Variants in ELMO1 observed in about 807,000 individuals in gnomAD.
The protein encoded by ELMO1 is engulfment and cell motility 1, also known as engulfment and cell motility protein 1.
ELMO1 carries 26 observed loss-of-function variants against 98.9 expected under a neutral mutation model. The ratio of observed to expected loss-of-function variants is 0.26; its 90% CI spans 0.19 to 0.36. The LOEUF is 0.36. Among genes scored for constraint, ELMO1 ranks in the 10% least tolerant of loss-of-function variants. ELMO1 has a pLI of 1.00. For missense variants in ELMO1, 627 were observed against 935.2 expected (o/e 0.67, Z 4.30); for synonymous variants, 346 against 346.0 (o/e 1.00, Z 0.00).
chr7:37,192,970 GATATATATATATATATATAT>G (rs374892700), intron 13 of ELMO1, among the ~76,000 whole-genome samples: 2 of 40,098 alleles, frequency 5.0e-5, no homozygotes, highest in Admixed American at 3.9e-4. Context: ...ATATATAGGA[GATATATATATATATATATAT>G]ATATATATAT....
At chr7:37,439,980 GGTGTGT>G (rs3054254) in intron 1 of ELMO1, among the ~76,000 whole-genome samples, 3 of 150,326 alleles carry the variant, frequency 2.0e-5, no homozygotes, top group Admixed American at 6.6e-5. Flanking sequence ...GAGCTGCATG[GGTGTGT>G]GTGTGTGTGT....
At chr7:36,931,385 A>AG (rs1786025440) in intron 16 of ELMO1, among the ~76,000 whole-genome samples, 1 of 152,198 alleles carries the variant, frequency 6.6e-6, no homozygotes, top group Non-Finnish European at 1.5e-5. Flanking sequence ...GGATCACCTG[A>AG]GGTCAAGAGT....
At chr7:37,188,498 A>AAAAAAT (rs1554438163) in intron 13 of ELMO1, among the ~76,000 whole-genome samples, 24 of 42,482 alleles carry the variant, frequency 5.6e-4, no homozygotes, top group African/African-American at 1.3e-3. Context: ...AAAAAAAAAA[A>AAAAAAT]AAAAATAATA....
intron 16 of ELMO1, among the ~76,000 whole-genome samples, chr7:37,003,474 C>A (rs1255908910): frequency 1.3e-5 from 2 of 152,224 alleles, no homozygotes; most frequent in Non-Finnish European, 2.9e-5. Context: ...TCGGACCTGT[C>A]TGACTTAATG....
intron 4 of ELMO1, among the ~76,000 whole-genome samples, chr7:37,305,100 G>A (rs1798544255): frequency 1.3e-5 from 2 of 152,122 alleles, no homozygotes; most frequent in South Asian, 4.1e-4. Flanking sequence ...CTTCTGTGAT[G>A]CTGCTCCCAC....
intron 2 of ELMO1, among the ~76,000 whole-genome samples, chr7:37,340,255 T>C (rs1800643992): frequency 6.6e-6 from 1 of 152,234 alleles, no homozygotes; most frequent in Non-Finnish European, 1.5e-5. Context: ...TGTAAGAGAA[T>C]GGCTACAATC....
rs1234673676 is a variant in ELMO1, at chr7:37,171,482, TA to T, written c.1087-38249del. Among the ~76,000 whole-genome samples, 33 of 90,958 alleles carry T rather than the reference TA, an allele frequency of 3.6e-4. 2 individuals are homozygous for T. Among genetic ancestry groups the T allele is most frequent in the African/African-American group, 8.3e-4 (18 of 21,584 alleles). The allele number at this position is 90,958 out of a possible 152,430, so 59.7% of individuals were successfully genotyped here. On this transcript the variant is annotated intron_variant, in intron 13 of 21. Coordinates refer to ENST00000310758, the MANE Select transcript of ELMO1 (RefSeq NM_014800.11). ...GTTTATTCTTGTAACCAGGCCTTTC[TA>T]TTTTTTTTTTTTTTTTTTTTTTTTT...
At chr7:36,955,365 G>A (rs1241209589) in intron 16 of ELMO1, among the ~76,000 whole-genome samples, 1 of 152,130 alleles carries the variant, frequency 6.6e-6, no homozygotes, top group Non-Finnish European at 1.5e-5. Flanking sequence ...AAAAGATACA[G>A]AATCTATTTT....
At chr7:37,009,271 A>C (rs1562893775) in intron 16 of ELMO1, among the ~76,000 whole-genome samples, 1 of 152,184 alleles carries the variant, frequency 6.6e-6, no homozygotes, top group Non-Finnish European at 1.5e-5. Flanking sequence ...CATGCTCTAA[A>C]ATATTGGTAA....
chr7:36,941,592 CCT>C (rs1464967014), intron 16 of ELMO1, among the ~76,000 whole-genome samples: 2 of 152,178 alleles, frequency 1.3e-5, no homozygotes, highest in African/African-American at 4.8e-5. Context: ...TAGCATAACA[CCT>C]ATGAATTTCT....
intron 1 of ELMO1, among the ~76,000 whole-genome samples, chr7:37,409,879 T>C (rs1803923795): frequency 6.6e-6 from 1 of 152,200 alleles, no homozygotes; most frequent in African/African-American, 2.4e-5. Flanking sequence ...TGTAAGATCA[T>C]GTATGATAAA....
chr7:37,210,456 C>A (rs966853682), intron 13 of ELMO1, among the ~76,000 whole-genome samples: 48 of 151,162 alleles, frequency 3.2e-4, no homozygotes, highest in African/African-American at 1.2e-3. Context: ...ATTTGTCAAA[C>A]TATGTATAAA....
chr7:37,292,159 G>C (rs141379835), intron 4 of ELMO1, among the ~76,000 whole-genome samples: 68,189 of 104,902 alleles, frequency 0.65, 24,490 homozygotes, highest in Admixed American at 0.78. Context: ...TGTGTTGGCC[G>C]GGCTGGTCTC....
At chr7:37,124,915 A>G (rs1054880584) in intron 14 of ELMO1, among the ~76,000 whole-genome samples, 1 of 152,246 alleles carries the variant, frequency 6.6e-6, no homozygotes, top group African/African-American at 2.4e-5. Flanking sequence ...CCAAAACAGC[A>G]TGGTACTGGT....
chr7:37,435,821 C>T (rs1732001), intron 1 of ELMO1, among the ~76,000 whole-genome samples: 57,574 of 152,096 alleles, frequency 0.38, 11,078 homozygotes, highest in Admixed American at 0.45. Context: ...ACGCTCTTCT[C>T]TCTACCATCC....
intron 1 of ELMO1, among the ~76,000 whole-genome samples, chr7:37,406,606 ATTT>A (rs914312651): frequency 6.9e-6 from 1 of 144,152 alleles, no homozygotes; most frequent in Admixed American, 6.9e-5. Flanking sequence ...ATTTTTTTGT[ATTT>A]TTTTTTTTAG....
In ELMO1 at chr7:36,855,699, C is replaced by G; in HGVS notation, c.2036G>C (p.Ser679Thr). ...GTCCAGGTCATTCCGCGTCAGGTCG[C>G]TCATCATGTCCTTCCCGAGTAGCGC... ...LNALLGKDMMSDLTRNDLDTL... is the reference protein window; with the variant it reads ...LNALLGKDMMTDLTRNDLDTL... Residue 679 changes from serine (S) to threonine (T), a missense_variant, in exon 22 of 22, where the codon AGC becomes ACC. By Grantham distance (58) the Ser-to-Thr change is moderately conservative. Around this residue, in one of 3 missense-constraint regions of ELMO1, gnomAD observed 492 missense variants for 715.6 expected, o/e 0.69. Coordinates refer to ENST00000310758, the MANE Select transcript of ELMO1 (RefSeq NM_014800.11). The surrounding 1 kb of genome is among the most constrained non-coding windows in gnomAD (Gnocchi z 4.2). 6.2e-7 allele frequency: 1 copy of G among 1,614,136 alleles called. No individual in the cohort carries two copies. The highest frequency in any genetic ancestry group is 2.2e-5 in the East Asian group (1 of 44,886).
At chr7:37,117,471 G>A (rs945702368) in intron 14 of ELMO1, among the ~76,000 whole-genome samples, 2 of 152,184 alleles carry the variant, frequency 1.3e-5, no homozygotes, top group African/African-American at 2.4e-5. Flanking sequence ...GGTCTTCTGA[G>A]ATAAAACCAA....
At chr7:37,307,877 C>T (rs139739178) in intron 4 of ELMO1, among the ~76,000 whole-genome samples, 2,273 of 152,168 alleles carry the variant, frequency 0.015, 49 homozygotes, top group Middle Eastern at 0.031. Flanking sequence ...TGTGGGAGGC[C>T]GAGGCGGGCA....
Sources: gnomAD v4.1 joint callset for allele counts (sites outside exome capture counted in the v4.1 genomes callset) on GRCh38, gnomAD v4.1.1 for gene constraint, gnomAD v4.1.1 regional missense constraint, Gnocchi (gnomAD v3.1) non-coding constraint, MANE v1.5 for transcripts, NCBI Gene and HGNC (gene_info 2026-07-23, HGNC 2026-07-21) for gene names.